UGT2B7: variants seen among roughly 807,000 people sequenced by gnomAD.
UGT2B7 encodes the protein UDP glucuronosyltransferase family 2 member B7, also known as UDP-glucuronosyltransferase 2B7.
Under a neutral mutation model 51.9 loss-of-function variants are expected in UGT2B7, and 51 were observed. The observed-to-expected ratio is 0.98, with a 90% CI of 0.78 to 1.24. The LOEUF (loss-of-function observed/expected upper bound fraction) is 1.24, where lower values mean the gene tolerates loss of function less well. Ranked by LOEUF, UGT2B7 falls within the 50% of genes most tolerant of loss-of-function variation. The pLI is 0.00. For synonymous variants in UGT2B7, 225 were observed against 211.6 expected (o/e 1.06, Z -0.55); for missense variants, 727 against 628.4 (o/e 1.16, Z -1.68).
chr4:69,101,416 G>A (rs1343693539), intron 2 of UGT2B7, among the ~76,000 whole-genome samples: 1 of 151,830 alleles, frequency 6.6e-6, no homozygotes, highest in Non-Finnish European at 1.5e-5. Flanking sequence ...TATCACAGAA[G>A]AAGAAACAAC....
chr4:69,060,959 A>C (rs1202836803), intron 1 of UGT2B7, among the ~76,000 whole-genome samples: 4 of 152,142 alleles, frequency 2.6e-5, no homozygotes, highest in Non-Finnish European at 5.9e-5. Context: ...GTGGTAGATG[A>C]AGTGTTCTCA....
chr4:69,108,112 A>G lies in UGT2B7; in HGVS notation c.1100A>G (p.Lys367Arg), dbSNP rs1234923133. Residue 367 changes from lysine to arginine, a missense_variant, in exon 5 of 6, where the codon AAG (lysine) becomes AGG (arginine). Coordinates refer to ENST00000305231, the MANE Select transcript of UGT2B7 (RefSeq NM_001074.4). ...IPQNDLLGHP[K>R]TRAFITHGGA... ...ATTCATCCAATCCTAGGTCATCCAA[A>G]GACCAGAGCTTTTATAACTCATGGT... 2 of 1,613,472 alleles carry G rather than the reference A, an allele frequency of 1.2e-6. No homozygotes were observed. The highest frequency in any genetic ancestry group is 2.2e-5 in the East Asian group (1 of 44,850).
chr4:69,082,099 T>A (rs1460840594), intron 1 of UGT2B7, among the ~76,000 whole-genome samples: 1 of 152,072 alleles, frequency 6.6e-6, no homozygotes, highest in East Asian at 1.9e-4. Context: ...GTTTGCGGCA[T>A]CACAAATTAT....
chr4:69,096,984 C>T lies in UGT2B7; in HGVS notation c.464C>T (p.Pro155Leu). The change falls in exon 1 of 6, where the codon CCC (proline) becomes CTC (leucine). Residue 155 changes from proline (P) to leucine (L), a missense_variant. Pro to Leu is a moderately conservative substitution (Grantham distance 98, BLOSUM62 -3). Transcript: ENST00000305231. ...GTCATTTTTGCAGATGCTATTTTTCCCTGTAGTGAGCTGCTGGCTGAGCTA... is the reference window on the plus strand; with the variant it reads ...GTCATTTTTGCAGATGCTATTTTTCTCTGTAGTGAGCTGCTGGCTGAGCTA... ...FDVIFADAIF[P>L]CSELLAELFN... The T allele has an allele frequency of 6.2e-7, 1 of 1,613,540 alleles. No individual in the cohort carries two copies. Among genetic ancestry groups the T allele is most frequent in the Non-Finnish European group, 8.5e-7 (1 of 1,179,770 alleles).
chr4:69,080,155 G>A (rs996215931), intron 1 of UGT2B7, among the ~76,000 whole-genome samples: 1 of 151,968 alleles, frequency 6.6e-6, no homozygotes, highest in African/African-American at 2.4e-5. Context: ...AAATGACCCT[G>A]AGTCTCTGAG....
chr4:69,098,485 T>G (rs1036802058), intron 1 of UGT2B7, 55 bp from the exon 2 acceptor site: 5 of 1,568,710 alleles, frequency 3.2e-6, no homozygotes, highest in East Asian at 2.3e-5. Context: ...TTTCAGAAAT[T>G]TACCTAAAGT....
chr4:69,071,435 A>G (rs1220481107), intron 1 of UGT2B7, among the ~76,000 whole-genome samples: 1 of 152,144 alleles, frequency 6.6e-6, no homozygotes, highest in African/African-American at 2.4e-5. Context: ...AACATAGTAA[A>G]TGGCAAAAGC....
intron 1 of UGT2B7, among the ~76,000 whole-genome samples, chr4:69,097,745 G>T (rs1448020677): frequency 8.6e-5 from 13 of 151,944 alleles, no homozygotes; most frequent in Non-Finnish European, 1.3e-4. Context: ...CTATACCTCA[G>T]ATGCAAAAAT....
chr4:69,071,901 C>T (rs1177506720), intron 1 of UGT2B7, among the ~76,000 whole-genome samples: 1 of 152,026 alleles, frequency 6.6e-6, no homozygotes, highest in Admixed American at 6.6e-5. Context: ...ACATGTACTA[C>T]ACAAACTAAA....
chr4:69,096,381 C>T, upstream of UGT2B7: 1 of 1,334,596 alleles, frequency 7.5e-7, no homozygotes, highest in Non-Finnish European at 1.0e-6. Context: ...CATGCTCAGA[C>T]TGTTGATTTA....
rs150997702 is a variant in UGT2B7 at position 69,105,792 on chromosome 4, A to T, written c.1003-1383A>T. On this transcript the variant is annotated intron_variant, in intron 3 of 5. Transcript: ENST00000305231. ...AAGTTATACATAAAACCTTTGCAGC[A>T]TTAATCTATTTCTTATAAGTAGCTT... is the stretch of plus-strand genomic sequence containing the variant. Among the ~76,000 whole-genome samples the T allele has an allele frequency of 5.4e-4, 83 of 152,326 alleles. 3 individuals carry two copies. The East Asian group carries it at 0.014, about 27-fold the overall frequency.
intron 1 of UGT2B7, among the ~76,000 whole-genome samples, chr4:69,077,653 G>A (rs997689274): frequency 6.6e-6 from 1 of 152,060 alleles, no homozygotes; most frequent in Non-Finnish European, 1.5e-5. Context: ...CTTTGCAGAA[G>A]TTGCTTATCA....
chr4:69,104,854 T>G (rs1301254567), intron 3 of UGT2B7, among the ~76,000 whole-genome samples: 2 of 152,198 alleles, frequency 1.3e-5, no homozygotes, highest in African/African-American at 4.8e-5. Context: ...AAGTCTGACA[T>G]GCATCATGCA....
intron 1 of UGT2B7, among the ~76,000 whole-genome samples, chr4:69,089,273 T>C (rs1039746880): frequency 1.3e-5 from 2 of 152,176 alleles, no homozygotes; most frequent in African/African-American, 4.8e-5. Context: ...GTACCGTTTC[T>C]AGTACATAAT....
chr4:69,112,363 G>A (rs1719798922), intron 5 of UGT2B7, 94 bp from the exon 6 acceptor site: 9 of 1,485,894 alleles, frequency 6.1e-6, no homozygotes, highest in Non-Finnish European at 7.2e-6. Context: ...GATGCTCCCA[G>A]CCGAATAAAA....
chr4:69,084,330 T>TTCTCTCTCTCTTTC (rs71204073), intron 1 of UGT2B7, among the ~76,000 whole-genome samples: 1 of 148,124 alleles, frequency 6.8e-6, no homozygotes, highest in Admixed American at 6.8e-5. Context: ...TCTATAAATT[T>TTCTCTCTCTCTTTC]TCTCTCTCTC....
chr4:69,106,081 T>C (rs571112442), intron 3 of UGT2B7, among the ~76,000 whole-genome samples: 1 of 152,268 alleles, frequency 6.6e-6, no homozygotes, highest in East Asian at 1.9e-4. Context: ...TTTTTAATTT[T>C]AAAAAATTAA....
chr4:69,096,598 G>T lies in UGT2B7; in HGVS notation c.78G>T (p.Val26=). 5 of 1,614,022 alleles carry T rather than the reference G, an allele frequency of 3.1e-6. No individual in the cohort carries two copies. The highest frequency in any genetic ancestry group is 4.2e-6 in the Non-Finnish European group (5 of 1,179,892). Residue 26 remains valine, a synonymous_variant, in exon 1 of 6, where the codon GTG becomes GTT. Coordinates refer to ENST00000305231, the MANE Select transcript of UGT2B7 (RefSeq NM_001074.4). ...TTAGCTCTGGGAATTGTGGAAAGGT[G>T]CTGGTGTGGGCAGCAGAATACAGCC... The part of the protein sequence containing the change: ...FCFSSGNCGK[V]LVWAAEYSHW...
At chr4:69,107,798 A>T (rs1234224216) in intron 4 of UGT2B7, among the ~76,000 whole-genome samples, 3 of 151,988 alleles carry the variant, frequency 2.0e-5, no homozygotes, top group Non-Finnish European at 2.9e-5. Context: ...TGCACTTAAA[A>T]TAAGAGTTCA....
Sources: gnomAD v4.1 joint callset for allele counts (sites outside exome capture counted in the v4.1 genomes callset) on GRCh38, gnomAD v4.1.1 for gene constraint, MANE v1.5 for transcripts, NCBI Gene and HGNC (gene_info 2026-07-23, HGNC 2026-07-21) for gene names.